COBL: variants seen among roughly 807,000 people sequenced by gnomAD.
The protein encoded by COBL is protein cordon-bleu.
A neutral mutation model predicts 98.8 loss-of-function variants in COBL; 51 were observed. The observed-to-expected ratio is 0.52, with a 90% CI of 0.41 to 0.65. The LOEUF (loss-of-function observed/expected upper bound fraction) is 0.65. Among genes scored for constraint, COBL ranks in the 30% least tolerant of loss-of-function variants. The pLI is 0.00. For missense variants in COBL, 1,617 were observed against 1,617.5 expected, an observed-to-expected ratio of 1.00 and a Z score of 0.01; for synonymous variants, 634 against 651.7, an observed-to-expected ratio of 0.97 and a Z score of 0.41.
intron 2 of COBL, among the ~76,000 whole-genome samples, chr7:51,196,368 A>G (rs1790595525): frequency 6.6e-6 from 1 of 152,168 alleles, no homozygotes; most frequent in Non-Finnish European, 1.5e-5. Context: ...GTGGTGGACA[A>G]GATTTTTGAT....
rs1004111040 is a variant in COBL at position 51,277,462 on chromosome 7, A to C, written c.41+39131T>G. On this transcript the variant is annotated intron_variant, in intron 1 of 12. Coordinates refer to ENST00000265136, the MANE Select transcript of COBL (RefSeq NM_015198.5). ...TTTGTTATTCCAAAATAAAAAGTTAAAAAATATATCTTTAAAAATTGACGA... is the reference window on the plus strand; with the variant it reads ...TTTGTTATTCCAAAATAAAAAGTTACAAAATATATCTTTAAAAATTGACGA... Among the ~76,000 whole-genome samples the C allele has an allele frequency of 2.4e-4, 37 of 152,302 alleles. 1 individual carries two copies. The highest frequency in any genetic ancestry group is 6.8e-3 in the Middle Eastern group (2 of 294).
intron 7 of COBL, among the ~76,000 whole-genome samples, chr7:51,073,973 G>C (rs1792811666): frequency 6.6e-6 from 1 of 152,132 alleles, no homozygotes; most frequent in African/African-American, 2.4e-5. Flanking sequence ...GTTTTCTCTA[G>C]TGGGAGACTG....
At chr7:51,147,896 A>T (rs932728782) in intron 5 of COBL, among the ~76,000 whole-genome samples, 1 of 151,656 alleles carries the variant, frequency 6.6e-6, no homozygotes, top group African/African-American at 2.4e-5. Context: ...GAATACAGGC[A>T]CCCGCCACCA....
intron 6 of COBL, among the ~76,000 whole-genome samples, chr7:51,112,744 C>T (rs1315910868): frequency 6.6e-6 from 1 of 152,136 alleles, no homozygotes; most frequent in Non-Finnish European, 1.5e-5. Flanking sequence ...CATAAGAATG[C>T]TGGTGCCTAG....
chr7:51,091,416 T>C (rs1262312518), intron 6 of COBL, among the ~76,000 whole-genome samples: 1 of 152,122 alleles, frequency 6.6e-6, no homozygotes, highest in African/African-American at 2.4e-5. Flanking sequence ...AACAGCAGGC[T>C]GTATTAAGAA....
chr7:51,051,199 C>G (rs1454718665), intron 7 of COBL, among the ~76,000 whole-genome samples: 2 of 152,220 alleles, frequency 1.3e-5, no homozygotes, highest in Middle Eastern at 3.4e-3. Context: ...CTGTCTTCTC[C>G]GCTTCTCTGT....
Position 51,027,750 on chromosome 7 carries a change from C to T in COBL, c.3346G>A (p.Ala1116Thr). 6.2e-7 allele frequency: 1 copy of T among 1,614,040 alleles called. No individual in the cohort carries two copies. Among genetic ancestry groups the T allele is most frequent in the Non-Finnish European group, 8.5e-7 (1 of 1,179,954 alleles). ...DTSLHSALME[A>T]IHSAGGKDRL... The stretch of plus-strand genomic sequence containing the variant: ...TCCTTCCCTCCCGCAGAGTGGATGG[C>T]TTCCATCAGGGCAGAGTGCAGGGAT... Residue 1116 changes from alanine to threonine, a missense_variant, in exon 10 of 13, where the codon GCC becomes ACC. Coordinates refer to ENST00000265136, the MANE Select transcript of COBL (RefSeq NM_015198.5).
chr7:51,202,807 A>C (rs998984096), intron 2 of COBL, among the ~76,000 whole-genome samples: 1 of 152,150 alleles, frequency 6.6e-6, no homozygotes, highest in Non-Finnish European at 1.5e-5. Flanking sequence ...TTGGGAGGCC[A>C]AGGCAGGTGG....
rs117147300 is a variant in COBL at position 51,259,331 on chromosome 7, T to C, written c.42-39387A>G. Reference sequence around the variant, plus strand: ...AGTAACCCAATCTCACGGTTACTAATAGGAATACTAGTAACTGCAAAAAGC... The same window carrying C: ...AGTAACCCAATCTCACGGTTACTAACAGGAATACTAGTAACTGCAAAAAGC... On this transcript the variant is annotated intron_variant, in intron 1 of 12. Transcript: ENST00000265136. The C allele has an allele frequency of 9.2e-3, 1,988 of 217,018 alleles. 87 individuals carry two copies. The South Asian group carries it at 0.1, about 11-fold the overall frequency. The allele number at this position is 217,018 out of a possible 1,614,324, so 13.4% of individuals were successfully genotyped here.
rs946192074 is a variant in COBL at position 51,017,440 on chromosome 7, T to C, written c.*111A>G. ...AAATCAACTGTGCGCATTTGGCCTG[T>C]AGACAAGAAAGTAACACCAAAACTT... On this transcript the variant is annotated 3_prime_UTR_variant, in exon 13 of 13. Transcript: ENST00000265136. 7.9e-5 allele frequency: 90 copies of C among 1,139,674 alleles called. No homozygotes were observed. Among genetic ancestry groups the C allele is most frequent in the Non-Finnish European group, 8.2e-5 (62 of 752,572 alleles). 70.6% of individuals were successfully genotyped at this position (1,139,674 alleles called of 1,614,324 possible).
chr7:51,124,158 A>T (rs1402476104), intron 6 of COBL, among the ~76,000 whole-genome samples: 2 of 152,160 alleles, frequency 1.3e-5, no homozygotes, highest in Admixed American at 6.5e-5. Flanking sequence ...AGAAGAACTG[A>T]ACTGTTGCTG....
intron 5 of COBL, among the ~76,000 whole-genome samples, chr7:51,146,132 G>A (rs1189824010): frequency 1.3e-5 from 2 of 152,202 alleles, no homozygotes; most frequent in Non-Finnish European, 2.9e-5. Flanking sequence ...GCCAGCCTCT[G>A]AGCAGCATCT....
At chr7:51,156,246 T>G (rs1394855807) in intron 5 of COBL, 1 of 984,874 alleles carries the variant, frequency 1.0e-6, no homozygotes. Context: ...ATTAATTCCT[T>G]TCTTACCCTT....
intron 11 of COBL, 90 bp from the exon 12 acceptor site, chr7:51,025,462 G>T: frequency 7.3e-7 from 1 of 1,360,938 alleles, no homozygotes; most frequent in Admixed American, 1.9e-5. Context: ...AGTGGCATGA[G>T]GAGATGAGGA....
intron 7 of COBL, among the ~76,000 whole-genome samples, chr7:51,054,982 G>A (rs1485883671): frequency 1.3e-5 from 2 of 152,352 alleles, no homozygotes; most frequent in Non-Finnish European, 2.9e-5. Context: ...GAGCAGCCTG[G>A]AGAGTTGAGG....
intron 5 of COBL, among the ~76,000 whole-genome samples, chr7:51,178,592 C>T (rs1023473958): frequency 6.6e-6 from 1 of 151,944 alleles, no homozygotes; most frequent in Non-Finnish European, 1.5e-5. Context: ...ACACACTCAC[C>T]GTGTCTTTAT....
chr7:51,277,481 T>C (rs1421890670), intron 1 of COBL, among the ~76,000 whole-genome samples: 3 of 152,188 alleles, frequency 2.0e-5, no homozygotes, highest in Admixed American at 6.5e-5. Context: ...TCTTTAAAAA[T>C]TGACGACAGG....
chr7:51,282,217 T>C (rs1357965336), intron 1 of COBL, among the ~76,000 whole-genome samples: 2 of 152,112 alleles, frequency 1.3e-5, no homozygotes, highest in Admixed American at 6.5e-5. Context: ...TTATCCTTCA[T>C]TTATGCAAAT....
intron 7 of COBL, among the ~76,000 whole-genome samples, chr7:51,061,631 GA>G (rs1439301311): frequency 6.6e-6 from 1 of 152,152 alleles, no homozygotes; most frequent in Admixed American, 6.5e-5. Context: ...CTGTTTACCA[GA>G]GTGATCAGCA....
Sources: allele counts gnomAD v4.1 joint callset (sites outside exome capture counted in the v4.1 genomes callset), GRCh38; gene constraint gnomAD v4.1.1; transcripts MANE v1.5; gene names NCBI Gene and HGNC (gene_info 2026-07-23, HGNC 2026-07-21).